MB21D2: variants seen among roughly 807,000 people sequenced by gnomAD.
MB21D2 encodes the protein Mab-21 domain containing 2, also known as nucleotidyltransferase MB21D2.
Under a neutral mutation model 33.3 loss-of-function variants are expected in MB21D2, and 9 were observed. The observed-to-expected ratio is 0.27, with a 90% CI of 0.16 to 0.47. The LOEUF (loss-of-function observed/expected upper bound fraction) is 0.47. Ranked by LOEUF, MB21D2 falls within the 20% of genes least tolerant of loss-of-function variation. The pLI is 0.99. For missense variants in MB21D2, 540 were observed against 624.6 expected, an observed-to-expected ratio of 0.86 and a Z score of 1.44; for synonymous variants, 241 against 236.3, an observed-to-expected ratio of 1.02 and a Z score of -0.18.
intron 1 of MB21D2, among the ~76,000 whole-genome samples, chr3:192,812,153 T>C (rs1367208227): frequency 6.6e-6 from 1 of 152,088 alleles, no homozygotes; most frequent in African/African-American, 2.4e-5. Flanking sequence ...GTTCAAGCAA[T>C]TCTCCTGCCT....
intron 1 of MB21D2, among the ~76,000 whole-genome samples, chr3:192,915,781 T>A (rs1185989031): frequency 6.6e-6 from 1 of 152,194 alleles, no homozygotes; most frequent in Non-Finnish European, 1.5e-5. Flanking sequence ...AAGTTCCTCA[T>A]GAGCCAGGCA....
At chr3:192,906,186 G>C (rs956372463) in intron 1 of MB21D2, among the ~76,000 whole-genome samples, 6 of 152,056 alleles carry the variant, frequency 3.9e-5, no homozygotes, top group Admixed American at 3.9e-4. Flanking sequence ...GACTATCAGG[G>C]GTAAAATCTG....
intron 1 of MB21D2, among the ~76,000 whole-genome samples, chr3:192,867,847 C>G (rs1278312997): frequency 6.6e-6 from 1 of 152,114 alleles, no homozygotes; most frequent in Non-Finnish European, 1.5e-5. Context: ...TCTCTGGGAG[C>G]CCGGATCTTC....
intron 1 of MB21D2, among the ~76,000 whole-genome samples, chr3:192,831,266 TC>T (rs1712309015): frequency 6.6e-6 from 1 of 152,116 alleles, no homozygotes; most frequent in Non-Finnish European, 1.5e-5. Context: ...AGCACCAACT[TC>T]CCAGCCATGT....
At chr3:192,801,470 C>A (rs1711560527) in intron 1 of MB21D2, among the ~76,000 whole-genome samples, 2 of 152,212 alleles carry the variant, frequency 1.3e-5, no homozygotes, top group African/African-American at 4.8e-5. Flanking sequence ...GACTCCCACT[C>A]ACATGTTGAA....
intron 1 of MB21D2, among the ~76,000 whole-genome samples, chr3:192,853,854 A>G (rs1005394112): frequency 6.6e-6 from 1 of 152,074 alleles, no homozygotes; most frequent in Non-Finnish European, 1.5e-5. Context: ...TTAATCTTTC[A>G]AACGTTTTCA....
chr3:192,903,995 G>A (rs766277328), intron 1 of MB21D2, among the ~76,000 whole-genome samples: 12 of 152,220 alleles, frequency 7.9e-5, no homozygotes, highest in East Asian at 1.9e-4. Flanking sequence ...ATTAAACCTC[G>A]GTTTAAATTA....
intron 1 of MB21D2, among the ~76,000 whole-genome samples, chr3:192,834,276 C>A: frequency 6.6e-6 from 1 of 150,582 alleles, no homozygotes; most frequent in Non-Finnish European, 1.5e-5. Context: ...AAGATCATGC[C>A]ATTGCACTCC....
Position 192,798,176 on chromosome 3 carries a change from A to C in MB21D2, c.*210T>G, listed in dbSNP as rs1720561495. The C allele has an allele frequency of 2.1e-5, 12 of 558,382 alleles. 1 individual carries two copies. The South Asian group carries it at 3.3e-4, about 15-fold the overall frequency. The allele number at this position is 558,382 out of a possible 1,614,324, so 34.6% of individuals were successfully genotyped here. The stretch of plus-strand genomic sequence containing the variant: ...AACTAAAGAGCATGACAATAACTAC[A>C]AAAAGTAAACAACGAAATCAGAGGC... On this transcript the variant is annotated 3_prime_UTR_variant, in exon 2 of 2. Coordinates refer to ENST00000392452, the MANE Select transcript of MB21D2 (RefSeq NM_178496.4). The surrounding 1 kb of genome is among the most constrained non-coding windows in gnomAD (Gnocchi z 4.8).
At chr3:192,851,969 C>T (rs58791866) in intron 1 of MB21D2, among the ~76,000 whole-genome samples, 10,692 of 152,208 alleles carry the variant, frequency 0.07, 1,261 homozygotes, top group African/African-American at 0.24. Context: ...TAGGAAACAT[C>T]AACAAAGACT....
chr3:192,813,863 T>A (rs1375898881), intron 1 of MB21D2, among the ~76,000 whole-genome samples: 2 of 152,170 alleles, frequency 1.3e-5, no homozygotes, highest in Admixed American at 1.3e-4. Context: ...TCTATGATGG[T>A]TATAGCCAGA....
intron 1 of MB21D2, among the ~76,000 whole-genome samples, chr3:192,817,022 C>T (rs1711940611): frequency 6.6e-6 from 1 of 152,210 alleles, no homozygotes. Flanking sequence ...ATTCTGTTCA[C>T]ACTTCTGTAG....
chr3:192,835,153 T>TTAAA (rs542816754), intron 1 of MB21D2, among the ~76,000 whole-genome samples: 4 of 75,770 alleles, frequency 5.3e-5, no homozygotes, highest in African/African-American at 6.9e-5. Flanking sequence ...AAAGTGTCTT[T>TTAAA]AAAAAAAAAA....
At chr3:192,845,396 G>C (rs1560237589) in intron 1 of MB21D2, among the ~76,000 whole-genome samples, 1 of 152,214 alleles carries the variant, frequency 6.6e-6, no homozygotes, top group Non-Finnish European at 1.5e-5. Context: ...CTTTGTGGTA[G>C]AGAACGTTTT....
intron 1 of MB21D2, among the ~76,000 whole-genome samples, chr3:192,850,169 CG>C (rs746296304): frequency 6.6e-6 from 1 of 152,122 alleles, no homozygotes; most frequent in Non-Finnish European, 1.5e-5. Flanking sequence ...CCACCCGCCT[CG>C]GCCTCCCAAA....
rs555160423 is a variant in MB21D2, at chr3:192,856,244, G to A, written c.212-56594C>T. ...TGGTTTGAGGCAGTAACTTACAGTC[G>A]CTTGCACACAGACTCTAACACTAAA... On this transcript the variant is annotated intron_variant, in intron 1 of 1. Coordinates refer to ENST00000392452, the MANE Select transcript of MB21D2 (RefSeq NM_178496.4). Among the ~76,000 whole-genome samples the A allele has an allele frequency of 1.2e-4, 18 of 152,174 alleles. No homozygotes were observed. The East Asian group carries it at 2.3e-3, about 20-fold the overall frequency.
intron 1 of MB21D2, among the ~76,000 whole-genome samples, chr3:192,853,602 ACTACGCTAAATGTT>A (rs759350130): frequency 5.3e-5 from 8 of 152,144 alleles, no homozygotes; most frequent in Admixed American, 2.6e-4. Context: ...TTTATTTTGC[ACTACGCTAAATGTT>A]CCACATACAT....
At chr3:192,866,906 T>A (rs1713179475) in intron 1 of MB21D2, among the ~76,000 whole-genome samples, 1 of 151,888 alleles carries the variant, frequency 6.6e-6, no homozygotes, top group Non-Finnish European at 1.5e-5. Context: ...GAAACTGACA[T>A]CAAGTCCTAC....
intron 1 of MB21D2, among the ~76,000 whole-genome samples, chr3:192,917,168 G>C (rs1714485855): frequency 6.6e-6 from 1 of 152,174 alleles, no homozygotes; most frequent in Non-Finnish European, 1.5e-5. Flanking sequence ...CGCCAAGCCA[G>C]AGCCCTGAGC....
Sources: allele counts gnomAD v4.1 joint callset (sites outside exome capture counted in the v4.1 genomes callset), GRCh38; gene constraint gnomAD v4.1.1; non-coding constraint Gnocchi (gnomAD v3.1); transcripts MANE v1.5; gene names NCBI Gene and HGNC (gene_info 2026-07-23, HGNC 2026-07-21).